Variants in STK3 observed in about 807,000 individuals in gnomAD.
The protein encoded by STK3 is serine/threonine kinase 3.
In STK3, 41 loss-of-function variants were observed where a neutral mutation model predicts 58.0. That is an observed-to-expected ratio of 0.71 (90% CI 0.55 to 0.92). STK3 has a LOEUF of 0.92. Ranked by LOEUF, STK3 falls within the 40% of genes least tolerant of loss-of-function variation. STK3 has a pLI of 0.00. For missense variants in STK3, 479 were observed against 602.7 expected, an observed-to-expected ratio of 0.79 and a Z score of 2.15; for synonymous variants, 170 against 191.0, an observed-to-expected ratio of 0.89 and a Z score of 0.91.
At chr8:98,828,353 A>G (rs1387839083), upstream of STK3, among the ~76,000 whole-genome samples, 1 of 147,628 alleles carries the variant, frequency 6.8e-6, no homozygotes, top group African/African-American at 2.5e-5. Flanking sequence ...TTCAACCCCA[A>G]CACTTTGGGA....
rs890769843 is a variant in STK3 at position 98,496,832 on chromosome 8, T to C, written c.1317+29910A>G. Among the ~76,000 whole-genome samples, 7 of 152,074 alleles carry C rather than the reference T, an allele frequency of 4.6e-5. No individual in the cohort carries two copies. The East Asian group carries it at 1.3e-3, about 29-fold the overall frequency. On this transcript the variant is annotated intron_variant, in intron 10 of 10. Coordinates refer to ENST00000419617, the MANE Select transcript of STK3 (RefSeq NM_006281.4). ...GGCTGATGGGAAAGGGGAGCTGTTA[T>C]TTAGTGGGTTTAAAGTTTCAGATTT...
At chr8:98,569,441 C>A (rs1812775334) in intron 8 of STK3, among the ~76,000 whole-genome samples, 1 of 151,498 alleles carries the variant, frequency 6.6e-6, no homozygotes, top group Non-Finnish European at 1.5e-5. Flanking sequence ...GGAATTAGTT[C>A]CGATTAGTAA....
At chr8:98,539,529 C>A (rs1394945521) in intron 9 of STK3, among the ~76,000 whole-genome samples, 2 of 152,052 alleles carry the variant, frequency 1.3e-5, no homozygotes, top group Non-Finnish European at 2.9e-5. Flanking sequence ...ACTTCATTTG[C>A]TTTCTCTTAC....
intron 4 of STK3, among the ~76,000 whole-genome samples, chr8:98,726,509 A>C (rs548804308): frequency 1.3e-5 from 2 of 152,318 alleles, no homozygotes; most frequent in Admixed American, 6.5e-5. Flanking sequence ...TTAGAACTTT[A>C]AGAGGCAAGT....
At chr8:98,547,362 T>C (rs1246855497) in intron 9 of STK3, among the ~76,000 whole-genome samples, 1 of 152,210 alleles carries the variant, frequency 6.6e-6, no homozygotes, top group Non-Finnish European at 1.5e-5. Flanking sequence ...AAAGCATTCC[T>C]ATTGTCATCA....
intron 10 of STK3, among the ~76,000 whole-genome samples, chr8:98,464,540 T>TAAAAAAAAAA: frequency 9.0e-4 from 62 of 69,170 alleles, no homozygotes; most frequent in Admixed American, 1.1e-3. Context: ...TACTTAAAGT[T>TAAAAAAAAAA]AAAAAAAAAA....
chr8:98,888,276 A>C (rs1838066185), intron 1 of STK3, among the ~76,000 whole-genome samples: 1 of 152,074 alleles, frequency 6.6e-6, no homozygotes, highest in Non-Finnish European at 1.5e-5. Flanking sequence ...CCGAGATTGC[A>C]CCACTGCCCT....
chr8:98,670,116 C>T (rs766172332), intron 6 of STK3, among the ~76,000 whole-genome samples: 19 of 152,162 alleles, frequency 1.2e-4, no homozygotes, highest in Admixed American at 3.3e-4. Flanking sequence ...GCCTGTAAAT[C>T]CCAGCACTTT....
rs148747557 is a variant in STK3, at chr8:98,561,917, G to A, written c.949-13756C>T. The stretch of plus-strand genomic sequence containing the variant: ...CAAATAAGCATATAAAAAGATGCCC[G>A]ACATCTTCATCACTAAGGAATTGCA... On this transcript the variant is annotated intron_variant, in intron 8 of 10. Coordinates refer to ENST00000419617, the MANE Select transcript of STK3 (RefSeq NM_006281.4). 9.2e-3 allele frequency among the ~76,000 whole-genome samples: 1,403 copies of A among 152,080 alleles called. 17 individuals carry two copies. Among genetic ancestry groups the A allele is most frequent in the African/African-American group, 0.032 (1,324 of 41,506 alleles).
At chr8:98,930,215 C>T (rs868447879) in intron 1 of STK3, among the ~76,000 whole-genome samples, 5 of 152,070 alleles carry the variant, frequency 3.3e-5, no homozygotes, top group African/African-American at 4.8e-5. Flanking sequence ...GAGGGGAAGG[C>T]GGTTGTGGGG....
At chr8:98,914,582 G>T (rs1839275237) in intron 1 of STK3, among the ~76,000 whole-genome samples, 1 of 151,742 alleles carries the variant, frequency 6.6e-6, no homozygotes, top group African/African-American at 2.4e-5. Flanking sequence ...CTCAACACTG[G>T]GTTTCATGTT....
chr8:98,766,392 C>T (rs559042178), intron 3 of STK3, among the ~76,000 whole-genome samples: 1 of 152,284 alleles, frequency 6.6e-6, no homozygotes, highest in Admixed American at 6.5e-5. Context: ...TTACATAATA[C>T]AGACTGTTAA....
At chr8:98,777,464 C>G (rs1294992976) in intron 1 of STK3, among the ~76,000 whole-genome samples, 1 of 152,070 alleles carries the variant, frequency 6.6e-6, no homozygotes, top group African/African-American at 2.4e-5. Context: ...GAGCCGAGAT[C>G]ACGCCACTGC....
chr8:98,751,796 T>C (rs1830002775), intron 3 of STK3, among the ~76,000 whole-genome samples: 1 of 151,966 alleles, frequency 6.6e-6, no homozygotes, highest in African/African-American at 2.4e-5. Context: ...CAAAATTAGC[T>C]GGGCATGGTG....
chr8:98,359,344 T>TAAA, the STK3 span, among the ~76,000 whole-genome samples: 3,272 of 55,648 alleles, frequency 0.059, 312 homozygotes, highest in Non-Finnish European at 0.083. Flanking sequence ...CCATCTCAAC[T>TAAA]AAAAAAAAAA....
At chr8:98,903,557 C>CTTCTTCTTCTTCTTCTACTTCTTCTTCT (rs1564093746) in intron 1 of STK3, among the ~76,000 whole-genome samples, 4 of 9,928 alleles carry the variant, frequency 4.0e-4, no homozygotes, top group African/African-American at 1.4e-3. Context: ...CTTCTTCTTC[C>CTTCTTCTTCTTCTTCTACTTCTTCTTCT]TTTTTTTTTT....
chr8:98,738,150 C>T (rs1828779784), intron 4 of STK3, among the ~76,000 whole-genome samples: 1 of 152,176 alleles, frequency 6.6e-6, no homozygotes, highest in Middle Eastern at 3.2e-3. Context: ...ACAAACCCAG[C>T]AAGACTTTTT....
At position 98,696,951 on chromosome 8, in the gene STK3, C is replaced by T. The variant is rs1300016915; in HGVS notation, c.684+9516G>A. Among the ~76,000 whole-genome samples the T allele has an allele frequency of 2.6e-5, 4 of 152,220 alleles. No homozygotes were observed. In the East Asian group the frequency reaches 7.7e-4, roughly 29 times the overall value. ...GGAATGGTACCAATTCCTCCTTGTA[C>T]CTCTGGTAGAATTCGGCTGTGAATC... On this transcript the variant is annotated intron_variant, in intron 6 of 10. Transcript: ENST00000419617.
chr8:98,575,869 C>T (rs1355272277), intron 8 of STK3, among the ~76,000 whole-genome samples: 2 of 152,096 alleles, frequency 1.3e-5, no homozygotes, highest in Non-Finnish European at 2.9e-5. Context: ...ATAATTTATT[C>T]TCTTATGCAC....
Sources: gnomAD v4.1 joint callset for allele counts (sites outside exome capture counted in the v4.1 genomes callset) on GRCh38, gnomAD v4.1.1 for gene constraint, MANE v1.5 for transcripts, NCBI Gene and HGNC (gene_info 2026-07-23, HGNC 2026-07-21) for gene names.